RNF13: variants seen among roughly 807,000 people sequenced by gnomAD.
RNF13 encodes E3 ubiquitin-protein ligase RNF13.
RNF13 carries 19 observed loss-of-function variants against 37.7 expected under a neutral mutation model. That is an observed-to-expected ratio of 0.50 (90% CI 0.35 to 0.74). The LOEUF (loss-of-function observed/expected upper bound fraction) is 0.74, where lower values mean the gene tolerates loss of function less well. RNF13 is among the 30% of genes least tolerant of loss of function. The probability of loss-of-function intolerance (pLI) is 0.01; values close to 1 mark genes in which losing one functional copy is unlikely to be tolerated. For synonymous variants in RNF13, 144 were observed against 157.8 expected (o/e 0.91, Z 0.65); for missense variants, 375 against 453.0 (o/e 0.83, Z 1.56).
intron 1 of RNF13, among the ~76,000 whole-genome samples, chr3:149,834,940 A>G (rs1362299119): frequency 1.3e-5 from 2 of 152,246 alleles, no homozygotes; most frequent in Non-Finnish European, 2.9e-5. Context: ...TCTTCTACAA[A>G]TGGTGTGTTG....
intron 4 of RNF13, among the ~76,000 whole-genome samples, chr3:149,882,535 A>T (rs1441218498): frequency 6.6e-6 from 1 of 152,146 alleles, no homozygotes. Flanking sequence ...CTGTTTTTCA[A>T]GGTGAAAACA....
At chr3:149,942,815 T>C (rs1336754675) in intron 8 of RNF13, among the ~76,000 whole-genome samples, 3 of 152,200 alleles carry the variant, frequency 2.0e-5, no homozygotes, top group Non-Finnish European at 4.4e-5. Flanking sequence ...TTTTGTTGAC[T>C]ATGATGTTAA....
intron 3 of RNF13, among the ~76,000 whole-genome samples, chr3:149,864,082 C>A: frequency 8.3e-6 from 1 of 119,852 alleles, no homozygotes; most frequent in Non-Finnish European, 1.6e-5. Flanking sequence ...AATGTAACTA[C>A]CATAGTTTGG....
intron 8 of RNF13, among the ~76,000 whole-genome samples, chr3:149,929,653 T>C (rs1184820090): frequency 6.6e-6 from 1 of 152,106 alleles, no homozygotes; most frequent in East Asian, 1.9e-4. Flanking sequence ...CACCAGTGAG[T>C]ATTTTAGTTG....
chr3:149,959,426 A>T (rs571356959), intron 8 of RNF13, among the ~76,000 whole-genome samples: 9 of 152,362 alleles, frequency 5.9e-5, no homozygotes, highest in Admixed American at 2.6e-4. Context: ...TAAAACTGAT[A>T]AATTCCACAG....
chr3:149,927,294 G>A (rs1377571800), intron 8 of RNF13, among the ~76,000 whole-genome samples: 1 of 152,188 alleles, frequency 6.6e-6, no homozygotes, highest in South Asian at 2.1e-4. Context: ...AAGGATTATC[G>A]ATGTTGTAGC....
At chr3:149,922,099 G>A (rs1022557231) in intron 8 of RNF13, among the ~76,000 whole-genome samples, 32 of 151,976 alleles carry the variant, frequency 2.1e-4, no homozygotes, top group African/African-American at 7.7e-4. Flanking sequence ...TCAGCCTTCC[G>A]AGTAGCTGGG....
rs1036509500 is a variant in RNF13, at chr3:149,898,774, A to G, written c.409+3214A>G. 3.9e-5 allele frequency among the ~76,000 whole-genome samples: 6 copies of G among 152,294 alleles called. No individual in the cohort carries two copies. The South Asian group carries it at 1.2e-3, about 32-fold the overall frequency. On this transcript the variant is annotated intron_variant, in intron 5 of 9. Transcript: ENST00000392894. ...GAACACATAATCAAATAGATGTGCTATAATGTCAAGTAGTGATAAATGCTA... is the reference window on the plus strand; with the variant it reads ...GAACACATAATCAAATAGATGTGCTGTAATGTCAAGTAGTGATAAATGCTA...
intron 8 of RNF13, among the ~76,000 whole-genome samples, chr3:149,956,161 A>T (rs1369077520): frequency 6.6e-6 from 1 of 152,156 alleles, no homozygotes; most frequent in Non-Finnish European, 1.5e-5. Flanking sequence ...CAGGGAAGCC[A>T]TTTAAATTAG....
intron 8 of RNF13, among the ~76,000 whole-genome samples, chr3:149,954,558 A>T (rs1336292628): frequency 6.6e-6 from 1 of 152,234 alleles, no homozygotes; most frequent in Admixed American, 6.5e-5. Context: ...AATATCTTCC[A>T]TTGGCATAGC....
At chr3:149,821,525 T>C (rs1017327051) in intron 1 of RNF13, among the ~76,000 whole-genome samples, 2 of 152,208 alleles carry the variant, frequency 1.3e-5, no homozygotes, top group African/African-American at 4.8e-5. Context: ...GTTGGTGTTT[T>C]TGTATTGAGT....
chr3:149,923,714 C>T (rs1263461736), intron 8 of RNF13, among the ~76,000 whole-genome samples: 1 of 142,778 alleles, frequency 7.0e-6, no homozygotes, highest in Non-Finnish European at 1.5e-5. Context: ...TGCAGTGAGC[C>T]GAGATCACAC....
intron 1 of RNF13, among the ~76,000 whole-genome samples, chr3:149,842,995 C>T (rs1279928101): frequency 2.0e-5 from 3 of 152,078 alleles, no homozygotes; most frequent in Non-Finnish European, 4.4e-5. Flanking sequence ...TTGCTAAAAA[C>T]GTATTTGAAT....
At chr3:149,857,193 A>G (rs888494035) in intron 3 of RNF13, among the ~76,000 whole-genome samples, 1 of 152,226 alleles carries the variant, frequency 6.6e-6, no homozygotes, top group Non-Finnish European at 1.5e-5. Context: ...TTATAGTATA[A>G]TATATCAGTT....
intron 1 of RNF13, among the ~76,000 whole-genome samples, chr3:149,815,161 C>T (rs548679456): frequency 1.1e-3 from 172 of 152,156 alleles, no homozygotes; most frequent in Non-Finnish European, 1.4e-3. Context: ...TTTCTGCATT[C>T]CAGAATAACG....
chr3:149,879,463 C>G (rs566344808), intron 4 of RNF13, among the ~76,000 whole-genome samples: 70 of 152,106 alleles, frequency 4.6e-4, no homozygotes, highest in African/African-American at 1.6e-3. Context: ...CACACTCCAC[C>G]ATGCCTGGCT....
chr3:149,836,588 G>A (rs368699706), intron 1 of RNF13, among the ~76,000 whole-genome samples: 4 of 152,046 alleles, frequency 2.6e-5, no homozygotes, highest in African/African-American at 9.6e-5. Context: ...AAGTAAAATG[G>A]TGCAGCCACT....
intron 8 of RNF13, among the ~76,000 whole-genome samples, chr3:149,937,606 T>C (rs1426544987): frequency 6.6e-6 from 1 of 152,186 alleles, no homozygotes; most frequent in African/African-American, 2.4e-5. Flanking sequence ...TTACAAATTT[T>C]GATATGTTGT....
At chr3:149,907,373 A>G (rs542155731) in intron 6 of RNF13, among the ~76,000 whole-genome samples, 28 of 152,284 alleles carry the variant, frequency 1.8e-4, no homozygotes, top group African/African-American at 6.7e-4. Flanking sequence ...CTGGTTTTTT[A>G]TCATATTAAT....
Sources: gnomAD v4.1 joint callset for allele counts (sites outside exome capture counted in the v4.1 genomes callset) on GRCh38, gnomAD v4.1.1 for gene constraint, MANE v1.5 for transcripts, NCBI Gene and HGNC (gene_info 2026-07-23, HGNC 2026-07-21) for gene names.